The following ATE1 variants were observed in gnomAD, a reference collection of about 807,000 sequenced individuals.
ATE1 encodes arginyltransferase 1.
ATE1 carries 36 observed loss-of-function variants against 70.5 expected under a neutral mutation model. The observed-to-expected ratio is 0.51, with a 90% CI of 0.39 to 0.67. The LOEUF (loss-of-function observed/expected upper bound fraction) is 0.67, where lower values mean the gene tolerates loss of function less well. ATE1 is among the 30% of genes least tolerant of loss of function. The pLI, the probability that ATE1 is intolerant of heterozygous loss-of-function variation, is 0.00. For synonymous variants in ATE1, 232 were observed against 219.3 expected, an observed-to-expected ratio of 1.06 and a Z score of -0.51; for missense variants, 593 against 629.5, an observed-to-expected ratio of 0.94 and a Z score of 0.62.
intron 11 of ATE1, among the ~76,000 whole-genome samples, chr10:121,764,341 T>C (rs1355096359): frequency 6.6e-6 from 1 of 152,048 alleles, no homozygotes; most frequent in Admixed American, 6.5e-5. Context: ...TAAGATATGA[T>C]TTATTTTTAC....
At position 121,839,588 on chromosome 10, in the gene ATE1, T is replaced by C. The variant is rs553914102; in HGVS notation, c.1157+1494A>G. On this transcript the variant is annotated intron_variant, in intron 9 of 11. Coordinates refer to ENST00000224652, the MANE Select transcript of ATE1 (RefSeq NM_001001976.3). ...AAACATGAATACTTTAAATTATCAA[T>C]TTCAATTTCAGTGAGAGCACCAACA... is the stretch of plus-strand genomic sequence containing the variant. Among the ~76,000 whole-genome samples, 31 of 152,318 alleles carry C rather than the reference T, an allele frequency of 2.0e-4. No individual in the cohort carries two copies. The South Asian group carries it at 5.4e-3, about 26-fold the overall frequency.
chr10:121,759,671 C>G (rs1241322758), intron 11 of ATE1, among the ~76,000 whole-genome samples: 1 of 151,170 alleles, frequency 6.6e-6, no homozygotes, highest in Non-Finnish European at 1.5e-5. Flanking sequence ...TTGCAGTGGG[C>G]CGAGACTGCG....
intron 8 of ATE1, among the ~76,000 whole-genome samples, chr10:121,858,571 AG>A (rs1272903370): frequency 6.7e-6 from 1 of 149,554 alleles, no homozygotes; most frequent in Non-Finnish European, 1.5e-5. Context: ...GTTTCTAACT[AG>A]GAACAAACAC....
intron 3 of ATE1, among the ~76,000 whole-genome samples, chr10:121,919,873 G>T (rs948543611): frequency 2.0e-5 from 3 of 151,922 alleles, no homozygotes; most frequent in Admixed American, 2.0e-4. Flanking sequence ...ACTCCAGCCT[G>T]GGTGACACAG....
At position 121,824,025 on chromosome 10, in the gene ATE1, G is replaced by A. The variant is rs577369923; in HGVS notation, c.1257+12693C>T. On this transcript the variant is annotated intron_variant, in intron 10 of 11. Transcript: ENST00000224652. ...GAGAAGCTTAGAACAGTAAAGAACT[G>A]CTTTGACTCTGGTGTGGCAAAATTC... Among the ~76,000 whole-genome samples the A allele has an allele frequency of 2.6e-5, 4 of 152,232 alleles. No homozygotes were observed. In the East Asian group the frequency reaches 7.7e-4, roughly 29 times the overall value.
chr10:121,742,884 T>TA lies in ATE1; in HGVS notation c.*795dup, dbSNP rs1372015848. Reference sequence around the variant, plus strand: ...CTATTTATTTCCTTTGGATGAGACTTAGATCAAGGCAGGAACCAACATTTT... The same window carrying TA: ...CTATTTATTTCCTTTGGATGAGACTTAAGATCAAGGCAGGAACCAACATTTT... On this transcript the variant is annotated 3_prime_UTR_variant, in exon 12 of 12. Transcript: ENST00000224652. 4 of 152,348 alleles carry TA rather than the reference T, an allele frequency of 2.6e-5. No individual in the cohort carries two copies. Among genetic ancestry groups the TA allele is most frequent in the East Asian group, 3.9e-4 (2 of 5,190 alleles). 9.4% of individuals were successfully genotyped at this position (152,348 alleles called of 1,614,324 possible). A position where few individuals can be genotyped will look rare whatever the true frequency, so the allele number is the denominator to read the frequency against.
At chr10:121,903,017 C>T (rs923146197) in intron 5 of ATE1, among the ~76,000 whole-genome samples, 2 of 144,794 alleles carry the variant, frequency 1.4e-5, no homozygotes, top group Non-Finnish European at 3.0e-5. Flanking sequence ...AGGTGTGTGC[C>T]ACCGTGCCTG....
chr10:121,870,074 G>A (rs1308389095), intron 7 of ATE1, 36 bp from the exon 8 acceptor site: 2 of 1,591,392 alleles, frequency 1.3e-6, no homozygotes, highest in Non-Finnish European at 1.7e-6. Context: ...ATTTCATCCA[G>A]TAAACAGACG....
rs1021171131 is a variant in ATE1, at chr10:121,821,791, G to C, written c.1257+14927C>G. ...AGCTACTCAGGAGGCTGAGACAGGA[G>C]AATCACTTGAACCTGGGAGGCAGAG... is the stretch of plus-strand genomic sequence containing the variant. On this transcript the variant is annotated intron_variant, in intron 10 of 11. Coordinates refer to ENST00000224652, the MANE Select transcript of ATE1 (RefSeq NM_001001976.3). Among the ~76,000 whole-genome samples the C allele has an allele frequency of 5.3e-5, 8 of 152,172 alleles. 1 individual carries two copies. Among genetic ancestry groups the C allele is most frequent in the African/African-American group, 1.9e-4 (8 of 41,428 alleles).
intron 7 of ATE1, among the ~76,000 whole-genome samples, chr10:121,891,378 C>T (rs368131249): frequency 1.1e-4 from 16 of 151,912 alleles, no homozygotes; most frequent in Admixed American, 2.6e-4. Context: ...ACCAGGATGC[C>T]GGCACATGGT....
intron 11 of ATE1, among the ~76,000 whole-genome samples, chr10:121,763,398 T>C (rs1945136933): frequency 1.3e-5 from 2 of 152,186 alleles, no homozygotes; most frequent in Non-Finnish European, 2.9e-5. Flanking sequence ...TCTGGTACTA[T>C]ACCTGACAGA....
At chr10:121,863,204 T>C (rs1949536590) in intron 8 of ATE1, among the ~76,000 whole-genome samples, 1 of 152,018 alleles carries the variant, frequency 6.6e-6, no homozygotes, top group Admixed American at 6.5e-5. Context: ...CTGACCTTTT[T>C]ATTGTTATGA....
intron 9 of ATE1, among the ~76,000 whole-genome samples, chr10:121,839,485 T>C (rs904638669): frequency 2.0e-5 from 3 of 152,196 alleles, no homozygotes; most frequent in African/African-American, 4.8e-5. Context: ...TATTGACTGA[T>C]TTAGGTACAA....
rs369301610 is a variant in ATE1 at position 121,927,976 on chromosome 10, G to T, written c.-27C>A. The stretch of plus-strand genomic sequence containing the variant: ...GCCTCGGCCCCGCGAACGCTCAGCC[G>T]CCCGGCCCCGCGTCGCTAGCGCGGC... On this transcript the variant is annotated 5_prime_UTR_variant, in exon 1 of 12. Transcript: ENST00000224652. The T allele has an allele frequency of 1.8e-5, 26 of 1,479,988 alleles. No individual in the cohort carries two copies. The African/African-American group carries it at 3.7e-4, about 21-fold the overall frequency. The allele number at this position is 1,479,988 out of a possible 1,614,324, so 91.7% of individuals were successfully genotyped here. A position where few individuals can be genotyped will look rare whatever the true frequency, so the allele number is the denominator to read the frequency against.
chr10:121,756,866 C>T (rs1944825117), intron 11 of ATE1, among the ~76,000 whole-genome samples: 1 of 152,168 alleles, frequency 6.6e-6, no homozygotes, highest in African/African-American at 2.4e-5. Flanking sequence ...TCTGGCATAA[C>T]CTGGAGATAT....
At chr10:121,857,180 A>T (rs1590520773) in intron 8 of ATE1, among the ~76,000 whole-genome samples, 1 of 152,188 alleles carries the variant, frequency 6.6e-6, no homozygotes, top group East Asian at 1.9e-4. Context: ...ATGTTGTATG[A>T]TACTAAGGTT....
chr10:121,841,442 C>G (rs750608663), intron 8 of ATE1, among the ~76,000 whole-genome samples, 179 bp from the exon 9 acceptor site: 2 of 152,204 alleles, frequency 1.3e-5, no homozygotes, highest in East Asian at 1.9e-4. Context: ...GAAATACTGA[C>G]TAAATACAAA....
chr10:121,750,448 G>A (rs1358891595), intron 11 of ATE1, among the ~76,000 whole-genome samples: 2 of 152,204 alleles, frequency 1.3e-5, no homozygotes, highest in African/African-American at 2.4e-5. Context: ...TCTGAGATGA[G>A]CATTTGATCA....
chr10:121,851,579 T>C (rs1949058843), intron 8 of ATE1, among the ~76,000 whole-genome samples: 1 of 114,720 alleles, frequency 8.7e-6, no homozygotes, highest in African/African-American at 2.7e-5. Context: ...TTTTTGTTTT[T>C]GTTTTGTTTT....
Sources: gnomAD v4.1 joint callset for allele counts (sites outside exome capture counted in the v4.1 genomes callset) on GRCh38, gnomAD v4.1.1 for gene constraint, MANE v1.5 for transcripts, NCBI Gene and HGNC (gene_info 2026-07-23, HGNC 2026-07-21) for gene names.